Variants in MAGI3 observed in about 807,000 individuals in gnomAD.
The protein encoded by MAGI3 is membrane associated guanylate kinase, WW and PDZ domain containing 3, also known as membrane-associated guanylate kinase, WW and PDZ domain-containing protein 3.
Under a neutral mutation model 121.8 loss-of-function variants are expected in MAGI3, and 43 were observed. That is an observed-to-expected ratio of 0.35 (90% CI 0.28 to 0.46). The LOEUF is 0.46. Among genes scored for constraint, MAGI3 ranks in the 20% least tolerant of loss-of-function variants. The pLI is 1.00. For synonymous variants in MAGI3, 553 were observed against 639.3 expected (o/e 0.86, Z 2.04); for missense variants, 1,547 against 1,797.3 (o/e 0.86, Z 2.52).
intron 1 of MAGI3, among the ~76,000 whole-genome samples, chr1:113,492,114 C>T (rs907707293): frequency 7.9e-5 from 12 of 152,176 alleles, no homozygotes; most frequent in African/African-American, 2.9e-4. Flanking sequence ...AAGCAGAAAT[C>T]CTCAAGGAAA....
intron 1 of MAGI3, among the ~76,000 whole-genome samples, chr1:113,444,996 C>T (rs1557760804): frequency 6.6e-6 from 1 of 152,084 alleles, no homozygotes; most frequent in Non-Finnish European, 1.5e-5. Context: ...CATATTTGAG[C>T]AGGCAGAAGA....
At chr1:113,643,625 G>C in intron 10 of MAGI3, 118 bp from the exon 11 acceptor site, 1 of 887,640 alleles carries the variant, frequency 1.1e-6, no homozygotes, top group Non-Finnish European at 1.9e-6. Context: ...TAGGAGGTTA[G>C]ACACAGAATT....
rs913640392 is a variant in MAGI3 at position 113,600,639 on chromosome 1, G to A, written c.1018+6079G>A. On this transcript the variant is annotated intron_variant, in intron 6 of 20. Coordinates refer to ENST00000307546, the MANE Select transcript of MAGI3 (RefSeq NM_001142782.2). ...AAGAATCAATATCGTGAAAATGGCC[G>A]TATTGCCCAAGGTAATTTATAGATT... 2.1e-3 allele frequency among the ~76,000 whole-genome samples: 313 copies of A among 151,830 alleles called. 1 individual carries two copies. The highest frequency in any genetic ancestry group is 6.9e-3 in the African/African-American group (286 of 41,404).
At chr1:113,569,093 A>C (rs747727147) in intron 2 of MAGI3, among the ~76,000 whole-genome samples, 3 of 152,170 alleles carry the variant, frequency 2.0e-5, no homozygotes, top group Non-Finnish European at 4.4e-5. Context: ...AATGACATGA[A>C]TTTAACTCAG....
intron 1 of MAGI3, among the ~76,000 whole-genome samples, chr1:113,525,275 G>C (rs1384626257): frequency 6.6e-6 from 1 of 151,870 alleles, no homozygotes; most frequent in Non-Finnish European, 1.5e-5. Flanking sequence ...TTCTCTCTCT[G>C]TTTAAAAACG....
Position 113,514,193 on chromosome 1 carries a change from G to C in MAGI3, c.317-35322G>C, listed in dbSNP as rs953761300. On this transcript the variant is annotated intron_variant, in intron 1 of 20. Transcript: ENST00000307546. ...CCATTGGTGGGACTGTAAACTAGTTGAACCCTTGTGGAAGTCAGTGTGGCG... is the reference window on the plus strand; with the variant it reads ...CCATTGGTGGGACTGTAAACTAGTTCAACCCTTGTGGAAGTCAGTGTGGCG... 3.3e-4 allele frequency among the ~76,000 whole-genome samples: 50 copies of C among 152,098 alleles called. 1 individual carries two copies. Among genetic ancestry groups the C allele is most frequent in the African/African-American group, 8.2e-4 (34 of 41,432 alleles).
chr1:113,552,790 C>G (rs1354779711), intron 2 of MAGI3, among the ~76,000 whole-genome samples: 1 of 152,134 alleles, frequency 6.6e-6, no homozygotes. Flanking sequence ...AAAGCTCCCT[C>G]TAGGAACCTA....
chr1:113,514,726 A>C (rs1657800774), intron 1 of MAGI3, among the ~76,000 whole-genome samples: 1 of 151,974 alleles, frequency 6.6e-6, no homozygotes, highest in South Asian at 2.1e-4. Flanking sequence ...GTATACATAT[A>C]GTAACTAACC....
chr1:113,682,241 G>A (rs141671759), intron 20 of MAGI3: 89 of 1,607,324 alleles, frequency 5.5e-5, no homozygotes, highest in East Asian at 6.7e-5. Context: ...GTGCTCCTAC[G>A]TGAAACCCGA....
At chr1:113,420,177 A>G (rs988134916) in intron 1 of MAGI3, among the ~76,000 whole-genome samples, 1 of 152,218 alleles carries the variant, frequency 6.6e-6, no homozygotes, top group South Asian at 2.1e-4. Context: ...TAGAGGATGA[A>G]CAACCTCTTC....
chr1:113,616,885 C>CTTTTTTT (rs36011283), intron 7 of MAGI3, among the ~76,000 whole-genome samples: 3 of 134,138 alleles, frequency 2.2e-5, no homozygotes, highest in Non-Finnish European at 1.6e-5. Context: ...ACAACTAAAA[C>CTTTTTTT]TTTTTTTTTT....
rs1648349047 is a variant in MAGI3 at position 113,683,529 on chromosome 1, GGCA to G, written c.3963_3965del (p.Ser1322del). 6.2e-7 allele frequency: 1 copy of G among 1,613,800 alleles called. No individual in the cohort carries two copies. The highest frequency in any genetic ancestry group is 1.3e-5 in the African/African-American group (1 of 74,896). ...GAGTCGAAGAATAGCAGGCTATACG[GGCA>G]GTAATGCTGAGCAGATCCCAGATGG... On this transcript the variant is annotated inframe_deletion, in exon 21 of 21. Coordinates refer to ENST00000307546, the MANE Select transcript of MAGI3 (RefSeq NM_001142782.2).
chr1:113,469,480 C>T (rs1655441822), intron 1 of MAGI3, among the ~76,000 whole-genome samples: 1 of 151,364 alleles, frequency 6.6e-6, no homozygotes, highest in African/African-American at 2.4e-5. Context: ...CTTTTAATTG[C>T]TTTAAGATTT....
intron 2 of MAGI3, among the ~76,000 whole-genome samples, chr1:113,558,534 A>C (rs946867441): frequency 1.3e-5 from 2 of 152,112 alleles, no homozygotes; most frequent in Non-Finnish European, 2.9e-5. Context: ...TGAATGAACA[A>C]AACCTCCGAG....
intron 1 of MAGI3, among the ~76,000 whole-genome samples, chr1:113,448,753 G>A (rs1002970868): frequency 1.3e-5 from 2 of 151,876 alleles, no homozygotes; most frequent in Non-Finnish European, 2.9e-5. Context: ...CAAAGTGCTG[G>A]GATTACAGGC....
chr1:113,394,467 T>A (rs575448393), intron 1 of MAGI3, among the ~76,000 whole-genome samples: 1 of 152,190 alleles, frequency 6.6e-6, no homozygotes, highest in African/African-American at 2.4e-5. Context: ...AGTAGTAAAG[T>A]TGAACTTTGG....
At chr1:113,486,465 G>T (rs945791917) in intron 1 of MAGI3, among the ~76,000 whole-genome samples, 1 of 151,974 alleles carries the variant, frequency 6.6e-6, no homozygotes, top group African/African-American at 2.4e-5. Context: ...TTGTTTGTTT[G>T]TTTTGCAGCT....
chr1:113,589,342 A>T (rs1423734431), intron 4 of MAGI3, among the ~76,000 whole-genome samples: 1 of 152,124 alleles, frequency 6.6e-6, no homozygotes, highest in Admixed American at 6.6e-5. Flanking sequence ...TGCCCACATA[A>T]GGTTAGTGAT....
intron 1 of MAGI3, among the ~76,000 whole-genome samples, chr1:113,417,910 C>A (rs536288643): frequency 6.6e-6 from 1 of 152,228 alleles, no homozygotes; most frequent in East Asian, 1.9e-4. Context: ...ATATTAGACT[C>A]TTTAAAGCCT....
Sources: gnomAD v4.1 joint callset for allele counts (sites outside exome capture counted in the v4.1 genomes callset) on GRCh38, gnomAD v4.1.1 for gene constraint, MANE v1.5 for transcripts, NCBI Gene and HGNC (gene_info 2026-07-23, HGNC 2026-07-21) for gene names.